LINGO2: variants seen among roughly 807,000 people sequenced by gnomAD.
LINGO2 encodes leucine rich repeat and Ig domain containing 2.
LINGO2 carries 14 observed loss-of-function variants against 30.6 expected under a neutral mutation model. The ratio of observed to expected loss-of-function variants is 0.46; its 90% CI spans 0.30 to 0.72. LINGO2 has a LOEUF of 0.72. Ranked by LOEUF, LINGO2 falls within the 30% of genes least tolerant of loss-of-function variation. The pLI, the probability that LINGO2 is intolerant of heterozygous loss-of-function variation, is 0.07. For synonymous variants in LINGO2, 317 were observed against 288.5 expected, an observed-to-expected ratio of 1.10 and a Z score of -1.00; for missense variants, 729 against 751.7, an observed-to-expected ratio of 0.97 and a Z score of 0.35.
intron 4 of LINGO2, among the ~76,000 whole-genome samples, chr9:28,189,266 AGGGAGGAAGGGAGGG>A (rs1564028597): frequency 2.9e-5 from 2 of 69,164 alleles, no homozygotes; most frequent in African/African-American, 5.7e-5. Flanking sequence ...GAAGGAAGGG[AGGGAGGAAGGGAGGG>A]AGGGAGGGAG....
chr9:28,350,278 A>G (rs1485719842), intron 3 of LINGO2, among the ~76,000 whole-genome samples: 1 of 142,446 alleles, frequency 7.0e-6, no homozygotes, highest in East Asian at 2.0e-4. Flanking sequence ...AGACACACAT[A>G]GGCTCAAAAT....
chr9:28,648,806 A>G (rs758048016), intron 1 of LINGO2, among the ~76,000 whole-genome samples: 1 of 152,152 alleles, frequency 6.6e-6, no homozygotes, highest in Non-Finnish European at 1.5e-5. Flanking sequence ...GTGTGTTTCT[A>G]TGTTTCTACA....
intron 1 of LINGO2, among the ~76,000 whole-genome samples, chr9:28,644,174 A>C (rs1588015991): frequency 1.3e-5 from 2 of 152,212 alleles, no homozygotes; most frequent in South Asian, 4.1e-4. Context: ...TGATACAGCA[A>C]TTCCACTACT....
At chr9:28,117,200 G>A (rs916171471) in intron 4 of LINGO2, among the ~76,000 whole-genome samples, 2 of 151,874 alleles carry the variant, frequency 1.3e-5, no homozygotes. Flanking sequence ...CCTGGTGGGG[G>A]GTGCCTCCCA....
chr9:28,192,662 C>A (rs947678440), intron 4 of LINGO2, among the ~76,000 whole-genome samples: 4 of 152,122 alleles, frequency 2.6e-5, no homozygotes, highest in African/African-American at 9.7e-5. Flanking sequence ...AATGGTAACA[C>A]CGCAATGTTC....
At chr9:29,105,228 T>A in the LINGO2 span, among the ~76,000 whole-genome samples, 1 of 152,082 alleles carries the variant, frequency 6.6e-6, no homozygotes, top group Admixed American at 6.6e-5. Flanking sequence ...AAATGGTAAA[T>A]AACATGTTTA....
At chr9:29,001,623 A>G in the LINGO2 span, among the ~76,000 whole-genome samples, 7 of 152,044 alleles carry the variant, frequency 4.6e-5, no homozygotes, top group East Asian at 7.7e-4. Flanking sequence ...TTTTAATAAT[A>G]TATTAGTTTG....
chr9:28,437,365 AG>A (rs2134992606), intron 2 of LINGO2, among the ~76,000 whole-genome samples: 1 of 152,260 alleles, frequency 6.6e-6, no homozygotes, highest in Non-Finnish European at 1.5e-5. Flanking sequence ...CATCTGACTG[AG>A]AATTATGTCA....
intron 1 of LINGO2, among the ~76,000 whole-genome samples, chr9:28,555,423 T>C (rs1169704636): frequency 1.3e-5 from 2 of 151,392 alleles, no homozygotes; most frequent in Non-Finnish European, 2.9e-5. Context: ...CCTTGACACA[T>C]ACACTCTCCC....
intron 1 of LINGO2, among the ~76,000 whole-genome samples, chr9:28,564,799 A>C (rs1039128678): frequency 6.6e-6 from 1 of 152,156 alleles, no homozygotes; most frequent in Non-Finnish European, 1.5e-5. Flanking sequence ...TTAAAAATTC[A>C]GTTCCTCTAC....
the LINGO2 span, among the ~76,000 whole-genome samples, chr9:29,173,792 A>G: frequency 1.3e-5 from 2 of 152,262 alleles, no homozygotes; most frequent in African/African-American, 2.4e-5. Context: ...TGAAACAATC[A>G]TTAAAATTAA....
chr9:28,630,240 G>GA (rs200977952), intron 1 of LINGO2, among the ~76,000 whole-genome samples: 6 of 147,894 alleles, frequency 4.1e-5, no homozygotes, highest in Admixed American at 6.7e-5. Flanking sequence ...AAATCAAAAA[G>GA]AAAAAAAAAA....
chr9:29,031,258 G>A, the LINGO2 span, among the ~76,000 whole-genome samples: 2 of 151,802 alleles, frequency 1.3e-5, no homozygotes, highest in African/African-American at 4.8e-5. Context: ...GGTGGTGGTG[G>A]TGGTGGTGGT....
At chr9:28,538,331 A>T (rs1821522553) in intron 1 of LINGO2, among the ~76,000 whole-genome samples, 1 of 152,124 alleles carries the variant, frequency 6.6e-6, no homozygotes, top group African/African-American at 2.4e-5. Flanking sequence ...AATTCAAAAT[A>T]TAGATATGGA....
At chr9:28,166,474 T>C (rs1828430000) in intron 4 of LINGO2, among the ~76,000 whole-genome samples, 1 of 152,214 alleles carries the variant, frequency 6.6e-6, no homozygotes, top group Admixed American at 6.5e-5. Flanking sequence ...GGGATGATCT[T>C]TTTGTTTAGT....
chr9:29,011,441 T>C, the LINGO2 span, among the ~76,000 whole-genome samples: 1 of 151,998 alleles, frequency 6.6e-6, no homozygotes, highest in African/African-American at 2.4e-5. Flanking sequence ...CAAGCCTAAC[T>C]CAGTTTGCCT....
the LINGO2 span, among the ~76,000 whole-genome samples, chr9:29,093,044 T>C: frequency 7.9e-6 from 1 of 126,574 alleles, no homozygotes; most frequent in Admixed American, 8.4e-5. Flanking sequence ...TATATATATA[T>C]ATATATATAT....
intron 4 of LINGO2, among the ~76,000 whole-genome samples, chr9:28,166,756 A>C (rs1461497446): frequency 6.6e-6 from 1 of 152,092 alleles, no homozygotes; most frequent in Non-Finnish European, 1.5e-5. Context: ...TGGAATTCCA[A>C]AGTTGGGTCT....
At chr9:28,406,891 T>G (rs1181254874) in intron 2 of LINGO2, among the ~76,000 whole-genome samples, 3 of 152,172 alleles carry the variant, frequency 2.0e-5, no homozygotes, top group South Asian at 2.1e-4. Flanking sequence ...CTACTGATAC[T>G]TGGCTTTTAG....
Sources: gnomAD v4.1 joint callset for allele counts (sites outside exome capture counted in the v4.1 genomes callset) on GRCh38, gnomAD v4.1.1 for gene constraint, MANE v1.5 for transcripts, NCBI Gene and HGNC (gene_info 2026-07-23, HGNC 2026-07-21) for gene names.